The following DDAH1 variants were observed in gnomAD, a reference collection of about 807,000 sequenced individuals.
DDAH1 encodes N(G),N(G)-dimethylarginine dimethylaminohydrolase 1.
DDAH1 carries 19 observed loss-of-function variants against 28.8 expected under a neutral mutation model. That is an observed-to-expected ratio of 0.66 (90% confidence interval 0.46 to 0.97). The LOEUF (loss-of-function observed/expected upper bound fraction) is 0.97. Among genes scored for constraint, DDAH1 ranks in the 50% least tolerant of loss-of-function variants. The probability of loss-of-function intolerance (pLI) is 0.00; values close to 1 mark genes in which losing one functional copy is unlikely to be tolerated. For missense variants in DDAH1, 326 were observed against 375.9 expected (o/e 0.87, Z 1.10); for synonymous variants, 153 against 154.4 (o/e 0.99, Z 0.07).
chr1:85,547,104 G>A (rs868219114), intron 1 of DDAH1, among the ~76,000 whole-genome samples: 11 of 152,122 alleles, frequency 7.2e-5, no homozygotes, highest in Non-Finnish European at 8.8e-5. Context: ...TTGTGGTTAA[G>A]AGTGAAAGAG....
At chr1:85,501,918 C>T (rs1404916458) in intron 1 of DDAH1, among the ~76,000 whole-genome samples, 1 of 152,288 alleles carries the variant, frequency 6.6e-6, no homozygotes, top group South Asian at 2.1e-4. Context: ...GAACTCTAAT[C>T]TTGATTTTCC....
rs1557686884 is a variant in DDAH1, at chr1:85,491,043, A to ACTCTTTTT, written c.-7+5122_-7+5123insAAAAAGAG. 6.3e-5 allele frequency among the ~76,000 whole-genome samples: 5 copies of ACTCTTTTT among 79,340 alleles called. 2 individuals carry two copies. The allele number at this position is 79,340 out of a possible 152,430, so 52.1% of individuals were successfully genotyped here. ...TCTTCTAATGACAACAGTAACATGT[A>ACTCTTTTT]TTCTTTTTTTTTTTTTTTTTTTTGA... On this transcript the variant is annotated intron_variant, in intron 2 of 6. Coordinates refer to the DDAH1 transcript ENST00000426972.
At chr1:85,557,660 A>G (rs1659012991) in intron 1 of DDAH1, among the ~76,000 whole-genome samples, 1 of 152,238 alleles carries the variant, frequency 6.6e-6, no homozygotes, top group African/African-American at 2.4e-5. Context: ...TTCATATATT[A>G]GAGTCCTAAC....
intron 1 of DDAH1, among the ~76,000 whole-genome samples, chr1:85,378,538 A>G (rs1490980115): frequency 6.6e-6 from 1 of 152,110 alleles, no homozygotes; most frequent in Non-Finnish European, 1.5e-5. Context: ...CCTCCCTAGT[A>G]GCTGGGACCA....
intron 1 of DDAH1, among the ~76,000 whole-genome samples, chr1:85,508,592 C>T (rs957702069): frequency 6.6e-6 from 1 of 152,222 alleles, no homozygotes; most frequent in Non-Finnish European, 1.5e-5. Flanking sequence ...TAGACTGTAC[C>T]TGGAAAAACA....
chr1:85,379,983 C>CA (rs1449254223), intron 1 of DDAH1, among the ~76,000 whole-genome samples: 1 of 152,226 alleles, frequency 6.6e-6, no homozygotes, highest in African/African-American at 2.4e-5. Flanking sequence ...TCATCTCACA[C>CA]ACTGGAGCCA....
chr1:85,353,840 G>T (rs912347295), intron 2 of DDAH1, among the ~76,000 whole-genome samples: 3 of 152,080 alleles, frequency 2.0e-5, no homozygotes, highest in African/African-American at 7.2e-5. Context: ...AAGGGAGGAA[G>T]AAAATTTCCA....
chr1:85,420,811 A>C (rs1653107289), intron 1 of DDAH1, among the ~76,000 whole-genome samples: 1 of 151,876 alleles, frequency 6.6e-6, no homozygotes, highest in Non-Finnish European at 1.5e-5. Context: ...GCAATGTCCC[A>C]CTCCTCAGTA....
intron 4 of DDAH1, among the ~76,000 whole-genome samples, chr1:85,326,461 A>G (rs1647401028): frequency 6.6e-6 from 1 of 152,242 alleles, no homozygotes; most frequent in African/African-American, 2.4e-5. Context: ...TTACAGATGA[A>G]GAAACTGCAC....
At chr1:85,418,089 G>A (rs1652964519) in intron 1 of DDAH1, among the ~76,000 whole-genome samples, 1 of 152,172 alleles carries the variant, frequency 6.6e-6, no homozygotes. Context: ...TAGGATAAGA[G>A]GCTGAAATAG....
At chr1:85,412,749 C>A (rs1652715119) in intron 1 of DDAH1, among the ~76,000 whole-genome samples, 1 of 152,156 alleles carries the variant, frequency 6.6e-6, no homozygotes, top group African/African-American at 2.4e-5. Context: ...ACCTGTAATC[C>A]CAGCACTTAC....
chr1:85,534,221 A>G (rs1265437904), intron 1 of DDAH1, among the ~76,000 whole-genome samples: 5 of 152,244 alleles, frequency 3.3e-5, no homozygotes, highest in Non-Finnish European at 7.3e-5. Flanking sequence ...TGTCTCATGT[A>G]GCATCTCACG....
chr1:85,464,465 G>A lies in DDAH1; in HGVS notation c.303+278C>T. Reference sequence around the variant, plus strand: ...CCGTTTAATTTTCACAAATAAAAATGCCCGTGAGACGGAATCCCCCGCCCA... The same window carrying A: ...CCGTTTAATTTTCACAAATAAAAATACCCGTGAGACGGAATCCCCCGCCCA... On this transcript the variant is annotated intron_variant, in intron 1 of 5. Coordinates refer to ENST00000284031, the MANE Select transcript of DDAH1 (RefSeq NM_012137.4). The surrounding 1 kb of genome is among the most constrained non-coding windows in gnomAD (Gnocchi z 4.4). 3.4e-6 allele frequency: 5 copies of A among 1,471,956 alleles called. No individual in the cohort carries two copies. Among genetic ancestry groups the A allele is most frequent in the Middle Eastern group, 1.8e-4 (1 of 5,692 alleles). 91.2% of individuals were successfully genotyped at this position (1,471,956 alleles called of 1,614,324 possible).
chr1:85,555,414 C>T (rs1658933063), intron 1 of DDAH1, among the ~76,000 whole-genome samples: 1 of 152,138 alleles, frequency 6.6e-6, no homozygotes, highest in Admixed American at 6.5e-5. Flanking sequence ...TTTTTTAATT[C>T]CCTACTGTAT....
chr1:85,464,433 G>A lies in DDAH1; in HGVS notation c.303+310C>T. The stretch of plus-strand genomic sequence containing the variant: ...GGGAAACACTCAGAGTTGCACTGTC[G>A]TCGCTGCCGTTTAATTTTCACAAAT... On this transcript the variant is annotated intron_variant, in intron 1 of 5. Transcript: ENST00000284031. This position sits in a 1 kb window ranked among gnomAD's most constrained non-coding sequence, Gnocchi z 4.4. The A allele has an allele frequency of 7.1e-7, 1 of 1,416,214 alleles. No homozygotes were observed. Among genetic ancestry groups the A allele is most frequent in the Non-Finnish European group, 9.4e-7 (1 of 1,061,464 alleles). The allele number at this position is 1,416,214 out of a possible 1,614,324, so 87.7% of individuals were successfully genotyped here. A position where few individuals can be genotyped will look rare whatever the true frequency, so the allele number is the denominator to read the frequency against.
intron 1 of DDAH1, among the ~76,000 whole-genome samples, chr1:85,434,835 T>C (rs1186647751): frequency 6.6e-6 from 1 of 152,220 alleles, no homozygotes; most frequent in South Asian, 2.1e-4. Flanking sequence ...AAAAATCCTT[T>C]TAGAATTTGA....
At chr1:85,336,954 T>C (rs929525461) in intron 4 of DDAH1, among the ~76,000 whole-genome samples, 19 of 152,058 alleles carry the variant, frequency 1.2e-4, no homozygotes, top group African/African-American at 4.6e-4. Context: ...AACAAAATAC[T>C]AGCAAACAAA....
intron 1 of DDAH1, among the ~76,000 whole-genome samples, chr1:85,427,379 T>C (rs900472993): frequency 6.6e-6 from 1 of 152,072 alleles, no homozygotes; most frequent in African/African-American, 2.4e-5. Context: ...AATTTTTTAA[T>C]GCAAAACATC....
At chr1:85,427,449 T>G (rs1481315621) in intron 1 of DDAH1, among the ~76,000 whole-genome samples, 1 of 152,212 alleles carries the variant, frequency 6.6e-6, no homozygotes, top group African/African-American at 2.4e-5. Context: ...GAACTTTGTT[T>G]AGGATTTTTA....
Sources: gnomAD v4.1 joint callset for allele counts (sites outside exome capture counted in the v4.1 genomes callset) on GRCh38, gnomAD v4.1.1 for gene constraint, Gnocchi (gnomAD v3.1) non-coding constraint, MANE v1.5 for transcripts, NCBI Gene and HGNC (gene_info 2026-07-23, HGNC 2026-07-21) for gene names.